Variants in RBFOX1 observed in about 807,000 individuals in gnomAD.
RBFOX1 encodes RNA binding fox-1 homolog 1, also known as RNA binding protein fox-1 homolog 1.
A neutral mutation model predicts 57.7 loss-of-function variants in RBFOX1; 8 were observed. That is an observed-to-expected ratio of 0.14 (90% CI 0.08 to 0.25). The LOEUF (loss-of-function observed/expected upper bound fraction) is 0.25. Among genes scored for constraint, RBFOX1 ranks in the 10% least tolerant of loss-of-function variants. The pLI is 1.00. For synonymous variants in RBFOX1, 326 were observed against 222.4 expected (o/e 1.47, Z -4.15); for missense variants, 611 against 548.5 (o/e 1.11, Z -1.14).
At chr16:6,864,493 C>G (rs2059567893) in intron 3 of RBFOX1, among the ~76,000 whole-genome samples, 1 of 150,532 alleles carries the variant, frequency 6.6e-6, no homozygotes, top group Non-Finnish European at 1.5e-5. Context: ...CAAATTAACA[C>G]ATAAAAACGT....
chr16:6,849,114 T>A (rs868162460), intron 3 of RBFOX1, among the ~76,000 whole-genome samples: 5 of 152,206 alleles, frequency 3.3e-5, no homozygotes, highest in Non-Finnish European at 5.9e-5. Context: ...TTCTCCTTTG[T>A]GATTTATATA....
chr16:6,232,075 G>A (rs942259868), intron 1 of RBFOX1, among the ~76,000 whole-genome samples: 6 of 152,128 alleles, frequency 3.9e-5, no homozygotes, highest in African/African-American at 1.4e-4. Context: ...ATTCCTCCGT[G>A]AGCTTTGTGT....
At chr16:7,227,042 C>T (rs954585133) in intron 4 of RBFOX1, among the ~76,000 whole-genome samples, 5 of 152,266 alleles carry the variant, frequency 3.3e-5, no homozygotes, top group African/African-American at 7.2e-5. Flanking sequence ...TCCGGCATTG[C>T]ACACTTTCTT....
rs191698914 is a variant in RBFOX1, at chr16:6,971,647, A to T, written c.-15-80410A>T. On this transcript the variant is annotated intron_variant, in intron 3 of 15. Coordinates refer to ENST00000550418, the MANE Select transcript of RBFOX1 (RefSeq NM_018723.4). ...GGCGGAGAATGGAGTCAAACATTCC[A>T]ATTAGGAAGCCATTGCAATAGTCCT... 3.3e-5 allele frequency among the ~76,000 whole-genome samples: 5 copies of T among 152,268 alleles called. No individual in the cohort carries two copies. In the East Asian group the frequency reaches 7.7e-4, roughly 24 times the overall value.
intron 3 of RBFOX1, among the ~76,000 whole-genome samples, chr16:5,836,251 G>T (rs530797764): frequency 6.6e-6 from 1 of 152,276 alleles, no homozygotes; most frequent in South Asian, 2.1e-4. Flanking sequence ...AAACCTAAAG[G>T]CTTGAGACCC....
At chr16:7,510,989 G>A (rs1029194440) in intron 4 of RBFOX1, among the ~76,000 whole-genome samples, 1 of 152,196 alleles carries the variant, frequency 6.6e-6, no homozygotes, top group South Asian at 2.1e-4. Context: ...AATTCCAGAT[G>A]CAGAAAGGGA....
Position 6,908,016 on chromosome 16 carries a change from G to T in RBFOX1, c.-15-144041G>T, listed in dbSNP as rs567922783. ...TATTTTCCCTTTTAGTGAGGACATG[G>T]TCATATTGGATTAGGGCCTATCCAA... On this transcript the variant is annotated intron_variant, in intron 3 of 15. Transcript: ENST00000550418. Among the ~76,000 whole-genome samples, 80 of 151,776 alleles carry T rather than the reference G, an allele frequency of 5.3e-4. 2 individuals carry two copies. Among genetic ancestry groups the T allele is most frequent in the South Asian group, 2.9e-3 (14 of 4,806 alleles).
chr16:5,560,145 A>G (rs1271973342), intron 2 of RBFOX1, among the ~76,000 whole-genome samples: 1 of 152,170 alleles, frequency 6.6e-6, no homozygotes, highest in Non-Finnish European at 1.5e-5. Flanking sequence ...GTATTTGCAC[A>G]TGCCTGACAG....
chr16:5,820,505 A>G (rs1417490506), intron 3 of RBFOX1, among the ~76,000 whole-genome samples: 1 of 152,128 alleles, frequency 6.6e-6, no homozygotes, highest in Non-Finnish European at 1.5e-5. Flanking sequence ...TTCTAGCCAC[A>G]AGGGAGGGGA....
At chr16:6,373,223 G>C (rs954678246) in intron 2 of RBFOX1, among the ~76,000 whole-genome samples, 1 of 151,592 alleles carries the variant, frequency 6.6e-6, no homozygotes, top group Non-Finnish European at 1.5e-5. Flanking sequence ...TAGAAGGATA[G>C]TTCGTTGGGA....
intron 2 of RBFOX1, among the ~76,000 whole-genome samples, chr16:6,491,243 TGAAA>T (rs2095626546): frequency 1.3e-5 from 2 of 151,336 alleles, no homozygotes; most frequent in African/African-American, 2.4e-5. Context: ...GTTTAATTGA[TGAAA>T]GAAAGAATGG....
intron 1 of RBFOX1, among the ~76,000 whole-genome samples, chr16:5,267,819 T>C (rs184421016): frequency 3.5e-4 from 53 of 152,268 alleles, no homozygotes; most frequent in Non-Finnish European, 5.9e-4. Flanking sequence ...TGGTGGCTTA[T>C]GCCTGTAATC....
intron 1 of RBFOX1, among the ~76,000 whole-genome samples, chr16:5,261,278 G>A (rs1234423865): frequency 6.6e-6 from 1 of 152,004 alleles, no homozygotes; most frequent in Non-Finnish European, 1.5e-5. Flanking sequence ...TTTTTAAATG[G>A]ATTCACCTCT....
intron 4 of RBFOX1, among the ~76,000 whole-genome samples, chr16:5,884,939 C>CTGG (rs2057860395): frequency 6.6e-6 from 1 of 152,230 alleles, no homozygotes; most frequent in African/African-American, 2.4e-5. Flanking sequence ...CTGGAAAGAG[C>CTGG]TGGTGGTGCT....
rs187794537 is a variant in RBFOX1 at position 7,359,563 on chromosome 16, C to G, written c.28-158584C>G. ...CTTGTGTGTGAATCATCTGAAGTAC[C>G]CATCCTTGTGTCCGGATTTGGGGCT... On this transcript the variant is annotated intron_variant, in intron 4 of 15. Coordinates refer to ENST00000550418, the MANE Select transcript of RBFOX1 (RefSeq NM_018723.4). Among the ~76,000 whole-genome samples, 211 of 152,308 alleles carry G rather than the reference C, an allele frequency of 1.4e-3. 1 individual carries two copies. The highest frequency in any genetic ancestry group is 5.0e-3 in the African/African-American group (206 of 41,568).
At chr16:6,125,236 T>C (rs181262741) in intron 1 of RBFOX1, among the ~76,000 whole-genome samples, 1 of 152,288 alleles carries the variant, frequency 6.6e-6, no homozygotes, top group Admixed American at 6.5e-5. Flanking sequence ...CCTACAATTA[T>C]TACAATGTTT....
chr16:6,624,243 T>C (rs1461898101), intron 2 of RBFOX1, among the ~76,000 whole-genome samples: 2 of 152,160 alleles, frequency 1.3e-5, no homozygotes, highest in Non-Finnish European at 2.9e-5. Context: ...GAAAAGAAAC[T>C]TTGGGTCAGT....
At chr16:7,293,326 A>T (rs543007046) in intron 4 of RBFOX1, among the ~76,000 whole-genome samples, 26 of 152,328 alleles carry the variant, frequency 1.7e-4, no homozygotes, top group African/African-American at 6.3e-4. Flanking sequence ...TGTAGGTTAT[A>T]AGCAAATACT....
At chr16:6,584,318 C>A (rs887974414) in intron 2 of RBFOX1, among the ~76,000 whole-genome samples, 3 of 148,670 alleles carry the variant, frequency 2.0e-5, no homozygotes, top group Non-Finnish European at 4.4e-5. Context: ...CAGAGAACAG[C>A]AGAAAAGTTG....
Sources: allele counts gnomAD v4.1 joint callset (sites outside exome capture counted in the v4.1 genomes callset), GRCh38; gene constraint gnomAD v4.1.1; transcripts MANE v1.5; gene names NCBI Gene and HGNC (gene_info 2026-07-23, HGNC 2026-07-21).